FCRL2: variants seen among roughly 807,000 people sequenced by gnomAD.
FCRL2 encodes the protein Fc receptor like 2.
Under a neutral mutation model 59.8 loss-of-function variants are expected in FCRL2, and 48 were observed. That is an observed-to-expected ratio of 0.80 (90% CI 0.64 to 1.02). The LOEUF (loss-of-function observed/expected upper bound fraction) is 1.02, where lower values mean the gene tolerates loss of function less well. Among genes scored for constraint, FCRL2 ranks in the 50% least tolerant of loss-of-function variants. The pLI is 0.00. For synonymous variants in FCRL2, 251 were observed against 229.5 expected (o/e 1.09, Z -0.85); for missense variants, 658 against 597.3 (o/e 1.10, Z -1.06).
chr1:157,764,029 C>CAAAAAAAAA (rs34230382), intron 7 of FCRL2, among the ~76,000 whole-genome samples: 1 of 103,254 alleles, frequency 9.7e-6, no homozygotes, highest in African/African-American at 4.1e-5. Context: ...GACTTCATCT[C>CAAAAAAAAA]AAAAAAAAAA....
Position 157,748,861 on chromosome 1 carries a change from G to C in FCRL2, c.1393+14C>G, listed in dbSNP as rs756844270. 3 of 1,611,106 alleles carry C rather than the reference G, an allele frequency of 1.9e-6. No homozygotes were observed. Among genetic ancestry groups the C allele is most frequent in the East Asian group, 4.5e-5 (2 of 44,878 alleles). On this transcript the variant is annotated intron_variant, in intron 9 of 11. Transcript: ENST00000361516. ...TGACTCAGCCTCAGAGCCCTTCCCA[G>C]TGGAGACACTCACCATTGACATACA...
chr1:157,767,877 G>A, intron 5 of FCRL2: 1 of 497,652 alleles, frequency 2.0e-6, no homozygotes, highest in Non-Finnish European at 3.3e-6. Flanking sequence ...ATACATAGGA[G>A]CATTTCTAAA....
chr1:157,768,576 T>G lies in FCRL2; in HGVS notation c.721A>C (p.Arg241=), dbSNP rs576695549. The change falls in exon 5 of 12, where the codon AGA becomes CGA. Residue 241 remains arginine (R), a synonymous_variant. Transcript: ENST00000361516. ...CCCATACTGGTTCCTGTGGCCTCTC[T>G]GTACCAGGAGAATGTGACATTTCCT... ...GTGNVTFSWY[R]EATGTSMGKK... 1 of 1,614,224 alleles carries G rather than the reference T, an allele frequency of 6.2e-7. No homozygotes were observed. Among genetic ancestry groups the G allele is most frequent in the South Asian group, 1.1e-5 (1 of 91,086 alleles).
chr1:157,748,828 T>A (rs750745020), intron 9 of FCRL2, 47 bp downstream of exon 9: 2 of 1,578,188 alleles, frequency 1.3e-6, no homozygotes, highest in South Asian at 2.2e-5. Context: ...TGTCTCCTCT[T>A]TCTTTTCTGA....
chr1:157,761,013 T>C (rs1042637965), intron 7 of FCRL2, among the ~76,000 whole-genome samples: 18 of 152,294 alleles, frequency 1.2e-4, no homozygotes, highest in African/African-American at 4.3e-4. Flanking sequence ...GGAAGAAAAT[T>C]AATGAGTTCC....
intron 2 of FCRL2, chr1:157,774,505 G>A (rs1221123297): frequency 2.2e-6 from 1 of 455,456 alleles, no homozygotes; most frequent in Non-Finnish European, 4.4e-6. Flanking sequence ...TCAGTTTTCT[G>A]AGAAACTCTT....
chr1:157,753,809 G>A (rs1648380142), intron 7 of FCRL2, among the ~76,000 whole-genome samples: 1 of 152,128 alleles, frequency 6.6e-6, no homozygotes, highest in Admixed American at 6.6e-5. Flanking sequence ...GAGCCCCTCT[G>A]TTGAGAGTCA....
chr1:157,763,117 G>T (rs1649226832), intron 7 of FCRL2, among the ~76,000 whole-genome samples: 1 of 151,912 alleles, frequency 6.6e-6, no homozygotes, highest in Admixed American at 6.6e-5. Flanking sequence ...CACACTAAGA[G>T]AAAAAACAAC....
chr1:157,769,962 C>T lies in FCRL2; in HGVS notation c.499G>A (p.Val167Met), dbSNP rs138011295. The change falls in exon 4 of 12, where the codon GTG becomes ATG. Residue 167 changes from valine to methionine, a missense_variant. Transcript: ENST00000361516. The part of the protein sequence containing the change: ...SSSPELQISA[V>M]WSEDTGSYWC... ...TAAGACCCTGTGTCTTCACTCCACA[C>T]GGCAGAAATCTGGAGCTCCGGAGAG... The T allele has an allele frequency of 3.6e-4, 580 of 1,614,182 alleles. 2 individuals are homozygous for T. Among genetic ancestry groups the T allele is most frequent in the Non-Finnish European group, 4.6e-4 (538 of 1,180,030 alleles).
chr1:157,765,086 A>G lies in FCRL2; in HGVS notation c.1279+1769T>C, dbSNP rs183130612. On this transcript the variant is annotated intron_variant, in intron 7 of 11. Transcript: ENST00000361516. ...TAAACTGCTAGCTAGACTAGCCAAG[A>G]AAAGAAGACTCAAATAAACATAATC... 1.3e-3 allele frequency among the ~76,000 whole-genome samples: 205 copies of G among 152,330 alleles called. 2 individuals carry two copies. The highest frequency in any genetic ancestry group is 4.8e-3 in the African/African-American group (199 of 41,598).
chr1:157,748,531 G>C, intron 10 of FCRL2, 22 bp downstream of exon 10: 1 of 1,600,872 alleles, frequency 6.2e-7, no homozygotes, highest in South Asian at 1.1e-5. Context: ...CATCTGACAA[G>C]AACTACTTTG....
At chr1:157,772,514 T>C (rs57493395) in intron 2 of FCRL2, among the ~76,000 whole-genome samples, 1,739 of 152,218 alleles carry the variant, frequency 0.011, 34 homozygotes, top group African/African-American at 0.04. Context: ...TGGGGAGAGA[T>C]GCTAAAGCTC....
intron 7 of FCRL2, among the ~76,000 whole-genome samples, chr1:157,753,695 C>A (rs1648370871): frequency 6.6e-6 from 1 of 152,142 alleles, no homozygotes; most frequent in South Asian, 2.1e-4. Context: ...AATCTTCAGT[C>A]CCTCTCCTGT....
chr1:157,776,477 C>A (rs1650421569), intron 1 of FCRL2, among the ~76,000 whole-genome samples: 1 of 152,216 alleles, frequency 6.6e-6, no homozygotes, highest in South Asian at 2.1e-4. Flanking sequence ...ACCATGTTGG[C>A]CGGGGTGGTC....
intron 2 of FCRL2, 70 bp from the exon 3 acceptor site, chr1:157,770,736 A>G: frequency 6.5e-7 from 1 of 1,536,602 alleles, no homozygotes; most frequent in Non-Finnish European, 8.9e-7. Flanking sequence ...ATTGGCAGTG[A>G]GGTGGTCTCA....
chr1:157,775,473 A>G (rs1264736969), intron 2 of FCRL2, among the ~76,000 whole-genome samples: 2 of 152,240 alleles, frequency 1.3e-5, no homozygotes, highest in Non-Finnish European at 2.9e-5. Context: ...TCCTATGGGC[A>G]GGAAAACAAT....
chr1:157,760,703 G>GAAAGAAATAAAT (rs56194773), intron 7 of FCRL2, among the ~76,000 whole-genome samples: 12 of 79,126 alleles, frequency 1.5e-4, no homozygotes, highest in Middle Eastern at 0.016. Flanking sequence ...AAGAAGGAAA[G>GAAAGAAATAAAT]AAAGAAAGAA....
At position 157,748,441 on chromosome 1, in the gene FCRL2, C is replaced by CAAATAAATAAAT. The variant is rs58239785; in HGVS notation, c.1459+100_1459+111dup. ...CCTCAAAAGTAGATAGATAGATAGACAAATAAATAAATAAATAAATAAATA... is the reference window on the plus strand; with the variant it reads ...CCTCAAAAGTAGATAGATAGATAGACAAATAAATAAATAAATAAATAAATAAATAAATAAATA... On this transcript the variant is annotated intron_variant, in intron 10 of 11. Coordinates refer to ENST00000361516, the MANE Select transcript of FCRL2 (RefSeq NM_030764.4). The CAAATAAATAAAT allele has an allele frequency of 1.5e-4, 54 of 355,846 alleles. 1 individual carries two copies. The highest frequency in any genetic ancestry group is 5.1e-4 in the African/African-American group (23 of 45,074). 22.0% of individuals were successfully genotyped at this position (355,846 alleles called of 1,614,324 possible).
intron 7 of FCRL2, among the ~76,000 whole-genome samples, chr1:157,760,772 AGAAAG>A (rs995749425): frequency 4.1e-5 from 6 of 146,344 alleles, no homozygotes; most frequent in African/African-American, 1.4e-4. Context: ...GAATGAAAAA[AGAAAG>A]GAAGGAAGGA....
Sources: gnomAD v4.1 joint callset for allele counts (sites outside exome capture counted in the v4.1 genomes callset) on GRCh38, gnomAD v4.1.1 for gene constraint, MANE v1.5 for transcripts, NCBI Gene and HGNC (gene_info 2026-07-23, HGNC 2026-07-21) for gene names.